TSPEAR: variants seen among roughly 807,000 people sequenced by gnomAD.
TSPEAR encodes thrombospondin-type laminin G domain and EAR repeat-containing protein.
Under a neutral mutation model 71.6 loss-of-function variants are expected in TSPEAR, and 69 were observed. The observed-to-expected ratio is 0.96, with a 90% CI of 0.79 to 1.18. The LOEUF (loss-of-function observed/expected upper bound fraction) is 1.18. TSPEAR is among the 50% of genes most tolerant of loss of function. The probability of loss-of-function intolerance (pLI) is 0.00; values close to 1 mark genes in which losing one functional copy is unlikely to be tolerated. For missense variants in TSPEAR, 971 were observed against 894.9 expected (o/e 1.09, Z -1.09); for synonymous variants, 402 against 387.2 (o/e 1.04, Z -0.45).
intron 1 of TSPEAR, chr21:44,677,988 G>T: frequency 9.4e-7 from 1 of 1,067,548 alleles, no homozygotes; most frequent in Non-Finnish European, 1.4e-6. Flanking sequence ...CTGAAGTAGA[G>T]TATCGGCGGC....
chr21:44,664,848 C>T lies in TSPEAR; in HGVS notation c.82+46585G>A, dbSNP rs11088955. Among the ~76,000 whole-genome samples, 1,252 of 152,316 alleles carry T rather than the reference C, an allele frequency of 8.2e-3. 12 individuals are homozygous for T. The highest frequency in any genetic ancestry group is 0.028 in the African/African-American group (1,175 of 41,562). On this transcript the variant is annotated intron_variant, in intron 1 of 11. Coordinates refer to ENST00000323084, the MANE Select transcript of TSPEAR (RefSeq NM_144991.3). ...ATCACAGAACTTGGGCTCCAAGTGG[C>T]CCTGAGGGCCACAGCTCCAGAGGGC...
intron 8 of TSPEAR, among the ~76,000 whole-genome samples, chr21:44,522,594 A>G (rs955372036): frequency 3.9e-5 from 6 of 152,226 alleles, no homozygotes; most frequent in African/African-American, 1.2e-4. Context: ...GAGGTCCTGC[A>G]GGCGGAGAGA....
intron 1 of TSPEAR, chr21:44,592,614 T>A: frequency 1.4e-6 from 2 of 1,401,382 alleles, no homozygotes; most frequent in Non-Finnish European, 1.9e-6. Context: ...AGAGCTGGAG[T>A]CTGCCGGGAT....
chr21:44,704,737 C>G (rs1000691055), intron 1 of TSPEAR, among the ~76,000 whole-genome samples: 2 of 152,152 alleles, frequency 1.3e-5, no homozygotes, highest in Non-Finnish European at 2.9e-5. Flanking sequence ...GTGGCAGGTG[C>G]TGCCCACTCA....
At chr21:44,619,998 A>G (rs1982342005) in intron 1 of TSPEAR, among the ~76,000 whole-genome samples, 1 of 152,276 alleles carries the variant, frequency 6.6e-6, no homozygotes, top group African/African-American at 2.4e-5. Flanking sequence ...TTGAGGAAAC[A>G]CATCAATCTA....
At chr21:44,556,140 G>A (rs1355320757) in intron 2 of TSPEAR, among the ~76,000 whole-genome samples, 2 of 152,240 alleles carry the variant, frequency 1.3e-5, no homozygotes, top group African/African-American at 2.4e-5. Flanking sequence ...CGCTTTGGGA[G>A]GCCAAGGCAG....
rs374609546 is a variant in TSPEAR, at chr21:44,612,169, C to T, written c.83-44164G>A. On this transcript the variant is annotated intron_variant, in intron 1 of 11. Coordinates refer to ENST00000323084, the MANE Select transcript of TSPEAR (RefSeq NM_144991.3). The surrounding 1 kb of genome is among the most constrained non-coding windows in gnomAD (Gnocchi z 4.1). ...CCACCATGTCTGTCTGCTCCAGTGA[C>T]GTGGGCCATGTCAGCCGAGTCTCCT... 527 of 1,613,958 alleles carry T rather than the reference C, an allele frequency of 3.3e-4. No homozygotes were observed. Among genetic ancestry groups the T allele is most frequent in the Non-Finnish European group, 4.2e-4 (497 of 1,180,008 alleles).
chr21:44,517,317 C>T (rs2052605694), intron 9 of TSPEAR: 1 of 160,790 alleles, frequency 6.2e-6, no homozygotes, highest in South Asian at 1.8e-4. Flanking sequence ...CCCAGGAACA[C>T]CGCCTAGTCC....
intron 1 of TSPEAR, among the ~76,000 whole-genome samples, chr21:44,697,000 C>T (rs1363735481): frequency 6.6e-6 from 1 of 151,842 alleles, no homozygotes; most frequent in Non-Finnish European, 1.5e-5. Context: ...CTCACTCACT[C>T]CCTCCTTCCC....
chr21:44,553,114 C>T (rs587768020), intron 2 of TSPEAR, among the ~76,000 whole-genome samples: 4 of 152,338 alleles, frequency 2.6e-5, no homozygotes, highest in South Asian at 2.1e-4. Context: ...CTGGTGAGGT[C>T]GGAGCATGTG....
At chr21:44,679,523 GT>G (rs1986478899) in intron 1 of TSPEAR, among the ~76,000 whole-genome samples, 2 of 152,128 alleles carry the variant, frequency 1.3e-5, no homozygotes, top group Non-Finnish European at 2.9e-5. Flanking sequence ...CCAATGACAT[GT>G]TTCACAGAAG....
chr21:44,532,586 A>T (rs1039961161), intron 3 of TSPEAR, among the ~76,000 whole-genome samples: 3 of 152,262 alleles, frequency 2.0e-5, no homozygotes, highest in Non-Finnish European at 4.4e-5. Flanking sequence ...GATAAGTTTC[A>T]TAACAAAACA....
chr21:44,646,130 A>G (rs1229796425), intron 1 of TSPEAR, among the ~76,000 whole-genome samples: 2 of 105,934 alleles, frequency 1.9e-5, no homozygotes, highest in Non-Finnish European at 4.2e-5. Flanking sequence ...CTCTCAAAAA[A>G]AAAAAAAAAA....
At chr21:44,576,331 AACAG>A (rs1269514021) in intron 1 of TSPEAR, among the ~76,000 whole-genome samples, 1 of 150,578 alleles carries the variant, frequency 6.6e-6, no homozygotes, top group Non-Finnish European at 1.5e-5. Flanking sequence ...CTCATGGGTG[AACAG>A]ACACACGGAC....
chr21:44,538,206 C>G (rs1229841792), intron 2 of TSPEAR, among the ~76,000 whole-genome samples: 5 of 152,204 alleles, frequency 3.3e-5, no homozygotes, highest in Non-Finnish European at 5.9e-5. Flanking sequence ...TGAGGACTGA[C>G]TGCTCTGCAC....
rs114763007 is a variant in TSPEAR at position 44,692,083 on chromosome 21, C to G, written c.82+19350G>C. ...AAAATAATCAATGTAGTATACCACA[C>G]GAAGAGAATGAAGTGAAAAAACCCA... On this transcript the variant is annotated intron_variant, in intron 1 of 11. Coordinates refer to ENST00000323084, the MANE Select transcript of TSPEAR (RefSeq NM_144991.3). Among the ~76,000 whole-genome samples the G allele has an allele frequency of 2.9e-3, 434 of 152,156 alleles. 4 individuals carry two copies. The highest frequency in any genetic ancestry group is 9.8e-3 in the African/African-American group (406 of 41,500).
rs782041263 is a variant in TSPEAR at position 44,529,813 on chromosome 21, G to A, written c.775C>T (p.Leu259=). Reference sequence around the variant, plus strand: ...CCCTACTAACCATAGGGATATTTTAGCACCTCGTTATCTTCTGGCTTCCCC... The same window carrying A: ...CCCTACTAACCATAGGGATATTTTAACACCTCGTTATCTTCTGGCTTCCCC... ...LTGKPEDNEV[L]KYPYETNIRV... is the part of the protein sequence containing the mutation. Residue 259 remains leucine (L), a synonymous_variant, in exon 5 of 12, where the codon CTA becomes TTA. Coordinates refer to ENST00000323084, the MANE Select transcript of TSPEAR (RefSeq NM_144991.3). 6 of 1,613,884 alleles carry A rather than the reference G, an allele frequency of 3.7e-6. No individual in the cohort carries two copies. The highest frequency in any genetic ancestry group is 4.2e-6 in the Non-Finnish European group (5 of 1,179,972).
At chr21:44,688,239 G>T (rs551137279) in intron 1 of TSPEAR, among the ~76,000 whole-genome samples, 1 of 152,086 alleles carries the variant, frequency 6.6e-6, no homozygotes, top group South Asian at 2.1e-4. Context: ...GGAGAATAAC[G>T]GTGGATCGCA....
chr21:44,516,653 G>A (rs1555913479), intron 9 of TSPEAR: 1 of 152,222 alleles, frequency 6.6e-6, no homozygotes, highest in Non-Finnish European at 1.5e-5. Context: ...AGCCCCCAGA[G>A]CCAGGGGCCG....
Sources: allele counts gnomAD v4.1 joint callset (sites outside exome capture counted in the v4.1 genomes callset), GRCh38; gene constraint gnomAD v4.1.1; non-coding constraint Gnocchi (gnomAD v3.1); transcripts MANE v1.5; gene names NCBI Gene and HGNC (gene_info 2026-07-23, HGNC 2026-07-21).